Variants in IFIT2 observed in about 807,000 individuals in gnomAD.
IFIT2 encodes interferon-induced protein with tetratricopeptide repeats 2.
IFIT2 carries 3 observed loss-of-function variants against 2.5 expected under a neutral mutation model. The observed-to-expected ratio is 1.21, with a 90% CI of 0.55 to 3.14. IFIT2 has a LOEUF of 3.14. IFIT2 is among the 30% of genes most tolerant of loss of function. The pLI is 0.03. For missense variants in IFIT2, 493 were observed against 558.9 expected (o/e 0.88, Z 1.19); for synonymous variants, 212 against 200.7 (o/e 1.06, Z -0.48).
Position 89,306,281 on chromosome 10 carries a change from C to T in IFIT2, c.325C>T (p.Arg109Ter), listed in dbSNP as rs201921113. The T allele has an allele frequency of 2.5e-4, 404 of 1,613,880 alleles. No homozygotes were observed. Among genetic ancestry groups the T allele is most frequent in the Non-Finnish European group, 3.1e-4 (370 of 1,180,000 alleles). The change falls in exon 2 of 2, where the codon CGA (arginine) becomes TGA (stop). Residue 109 changes from arginine to a stop codon, truncating the protein, a stop_gained. Coordinates refer to ENST00000371826, the MANE Select transcript of IFIT2 (RefSeq NM_001547.5). LOFTEE classifies it low-confidence loss of function (END_TRUNC). ...TGCCTGGGTCTACTATCACATGGGCCGACTCTCAGACGTTCAGATTTATGT... is the reference window on the plus strand; with the variant it reads ...TGCCTGGGTCTACTATCACATGGGCTGACTCTCAGACGTTCAGATTTATGT... The part of the protein sequence containing the change: ...NYAWVYYHMG[R>*]LSDVQIYVDK...
chr10:89,303,260 A>G (rs1389155148), intron 1 of IFIT2, among the ~76,000 whole-genome samples: 3 of 152,166 alleles, frequency 2.0e-5, no homozygotes, highest in Admixed American at 2.0e-4. Context: ...TTGCCTGGAC[A>G]GCTTATTAAG....
chr10:89,303,638 G>C (rs1023962075), intron 1 of IFIT2, among the ~76,000 whole-genome samples: 9 of 152,192 alleles, frequency 5.9e-5, no homozygotes, highest in Admixed American at 5.9e-4. Flanking sequence ...TTACCTAAGT[G>C]TGTATATTAA....
rs1412415670 is a variant in IFIT2, at chr10:89,307,048, G to C, written c.1092G>C (p.Glu364Asp). ...ACTTCCAAAAGGAATTCAGTAAAGA[G>C]CTTACTCCTGTAGCGAAACAACTGC... ...EYYFQKEFSK[E>D]LTPVAKQLLH... Residue 364 changes from glutamate to aspartate, a missense_variant, in exon 2 of 2, where the codon GAG (glutamate) becomes GAC (aspartate). Coordinates refer to ENST00000371826, the MANE Select transcript of IFIT2 (RefSeq NM_001547.5). The C allele has an allele frequency of 1.2e-6, 2 of 1,613,882 alleles. No individual in the cohort carries two copies. The highest frequency in any genetic ancestry group is 1.7e-6 in the Non-Finnish European group (2 of 1,179,966).
chr10:89,302,964 T>C (rs1454021361), intron 1 of IFIT2, among the ~76,000 whole-genome samples: 1 of 151,076 alleles, frequency 6.6e-6, no homozygotes, highest in Non-Finnish European at 1.5e-5. Context: ...TTTCTCTTCT[T>C]GAAACGATAT....
In IFIT2 at chr10:89,307,406, T is replaced by G. The variant is rs962836100; in HGVS notation, c.*31T>G. ...AGAGATGTGGTGCCCACTAGGCTAC[T>G]GCTGAAAGGGAGCTGAAATTCCTCC... On this transcript the variant is annotated 3_prime_UTR_variant, in exon 2 of 2. Coordinates refer to ENST00000371826, the MANE Select transcript of IFIT2 (RefSeq NM_001547.5). 3.9e-6 allele frequency: 6 copies of G among 1,522,004 alleles called. No individual in the cohort carries two copies. Among genetic ancestry groups the G allele is most frequent in the Non-Finnish European group, 3.6e-6 (4 of 1,121,780 alleles). The allele number at this position is 1,522,004 out of a possible 1,614,324, so 94.3% of individuals were successfully genotyped here. A position where few individuals can be genotyped will look rare whatever the true frequency, so the allele number is the denominator to read the frequency against.
chr10:89,305,846 G>C, intron 1 of IFIT2, 116 bp from the exon 2 acceptor site: 2 of 722,464 alleles, frequency 2.8e-6, no homozygotes, highest in Admixed American at 4.8e-5. Flanking sequence ...AAGAAGGGGA[G>C]TTTCTTTGAT....
chr10:89,304,170 G>A (rs1286534998), intron 1 of IFIT2, among the ~76,000 whole-genome samples: 1 of 152,168 alleles, frequency 6.6e-6, no homozygotes, highest in Non-Finnish European at 1.5e-5. Context: ...AAATAGGCAG[G>A]AGTTTATAGG....
chr10:89,307,344 T>A lies in IFIT2; in HGVS notation c.1388T>A (p.Ile463Asn), dbSNP rs761053062. 1.1e-5 allele frequency: 18 copies of A among 1,608,282 alleles called. No homozygotes were observed. Among genetic ancestry groups the A allele is most frequent in the Non-Finnish European group, 1.4e-5 (17 of 1,175,602 alleles). The change falls in exon 2 of 2, where the codon ATC becomes AAC. Residue 463 changes from isoleucine to asparagine, a missense_variant. Ile to Asn is a moderately radical substitution (Grantham distance 149). Transcript: ENST00000371826. ...SERGLESGSL[I>N]PSASSWNGE The stretch of plus-strand genomic sequence containing the variant: ...AGGGGTTTGGAGTCTGGAAGCCTCA[T>A]CCCTTCAGCATCAAGCTGGAATGGG...
chr10:89,303,160 T>G (rs1199227429), intron 1 of IFIT2, among the ~76,000 whole-genome samples: 1 of 152,250 alleles, frequency 6.6e-6, no homozygotes, highest in African/African-American at 2.4e-5. Flanking sequence ...CTGTCCTTTC[T>G]TTCCTTAATT....
Position 89,306,286 on chromosome 10 carries a change from C to A in IFIT2, c.330C>A (p.Leu110=), listed in dbSNP as rs778648084. 1 of 1,614,038 alleles carries A rather than the reference C, an allele frequency of 6.2e-7. No individual in the cohort carries two copies. The highest frequency in any genetic ancestry group is 8.5e-7 in the Non-Finnish European group (1 of 1,180,016). Residue 110 remains leucine, a synonymous_variant, in exon 2 of 2, where the codon CTC becomes CTA. Transcript: ENST00000371826. ...YAWVYYHMGR[L]SDVQIYVDKV... is the part of the protein sequence containing the mutation. ...GGGTCTACTATCACATGGGCCGACT[C>A]TCAGACGTTCAGATTTATGTAGACA...
chr10:89,302,976 A>G (rs1411160987), intron 1 of IFIT2, among the ~76,000 whole-genome samples: 1 of 147,056 alleles, frequency 6.8e-6, no homozygotes, highest in Non-Finnish European at 1.5e-5. Flanking sequence ...AAACGATATT[A>G]TTTCCTGCTA....
Position 89,307,733 on chromosome 10 carries a change from T to C in IFIT2, c.*358T>C, listed in dbSNP as rs1484649714. Reference sequence around the variant, plus strand: ...AAGCAGCCAAATCCTTCATGTAATATTGAAGTCCATTTTTGCAATGTTGTT... The same window carrying C: ...AAGCAGCCAAATCCTTCATGTAATACTGAAGTCCATTTTTGCAATGTTGTT... On this transcript the variant is annotated 3_prime_UTR_variant, in exon 2 of 2. Coordinates refer to ENST00000371826, the MANE Select transcript of IFIT2 (RefSeq NM_001547.5). The C allele has an allele frequency of 5.2e-6, 1 of 191,260 alleles. No individual in the cohort carries two copies. The highest frequency in any genetic ancestry group is 2.3e-5 in the African/African-American group (1 of 43,060). The allele number at this position is 191,260 out of a possible 1,614,324, so 11.8% of individuals were successfully genotyped here. A position where few individuals can be genotyped will look rare whatever the true frequency, so the allele number is the denominator to read the frequency against.
chr10:89,303,009 C>CAAA (rs11420925), intron 1 of IFIT2, among the ~76,000 whole-genome samples: 2 of 132,176 alleles, frequency 1.5e-5, no homozygotes, highest in Non-Finnish European at 3.3e-5. Flanking sequence ...TGCCTGATTT[C>CAAA]AAAAAAAAAA....
chr10:89,303,862 G>A (rs184952276), intron 1 of IFIT2, among the ~76,000 whole-genome samples: 25 of 152,306 alleles, frequency 1.6e-4, no homozygotes, highest in African/African-American at 5.5e-4. Context: ...GTTAGGATGC[G>A]TGCTGCACAT....
In IFIT2 at chr10:89,307,493, G is replaced by A; in HGVS notation, c.*118G>A. ...GGCAAAAGATTGGACTAAGACACTG[G>A]CCATACCACTGGACAGGGTTATGTT... On this transcript the variant is annotated 3_prime_UTR_variant, in exon 2 of 2. Transcript: ENST00000371826. 1 of 804,108 alleles carries A rather than the reference G, an allele frequency of 1.2e-6. No homozygotes were observed. 49.8% of individuals were successfully genotyped at this position (804,108 alleles called of 1,614,324 possible).
chr10:89,306,625 T>G lies in IFIT2; in HGVS notation c.669T>G (p.Arg223=). The G allele has an allele frequency of 6.2e-7, 1 of 1,613,952 alleles. No individual in the cohort carries two copies. The highest frequency in any genetic ancestry group is 8.5e-7 in the Non-Finnish European group (1 of 1,179,932). ...VLLALKLHKM[R]EEGEEEGEGE... is the part of the protein sequence containing the mutation. Reference sequence around the variant, plus strand: ...TGGCTCTGAAGCTTCATAAGATGCGTGAAGAAGGTGAAGAGGAAGGTGAAG... The same window carrying G: ...TGGCTCTGAAGCTTCATAAGATGCGGGAAGAAGGTGAAGAGGAAGGTGAAG... Residue 223 remains arginine (R), a synonymous_variant, in exon 2 of 2, where the codon CGT becomes CGG. Transcript: ENST00000371826.
At position 89,308,572 on chromosome 10, in the gene IFIT2, G is replaced by T. The variant is rs1189975778; in HGVS notation, c.*1197G>T. The T allele has an allele frequency of 6.6e-6, 1 of 152,140 alleles. No homozygotes were observed. The highest frequency in any genetic ancestry group is 1.5e-5 in the Non-Finnish European group (1 of 68,036). 9.4% of individuals were successfully genotyped at this position (152,140 alleles called of 1,614,324 possible). ...ACAAAATTCACGGTATGCTTGGAAC[G>T]ATTGAGATTTTCTAGGTAGATGCTG... is the stretch of plus-strand genomic sequence containing the variant. On this transcript the variant is annotated 3_prime_UTR_variant, in exon 2 of 2. Coordinates refer to ENST00000371826, the MANE Select transcript of IFIT2 (RefSeq NM_001547.5).
At chr10:89,304,821 G>A (rs1468778280) in intron 1 of IFIT2, among the ~76,000 whole-genome samples, 1 of 151,310 alleles carries the variant, frequency 6.6e-6, no homozygotes, top group African/African-American at 2.4e-5. Context: ...TTTATTTTGA[G>A]GACCAACACT....
Position 89,302,046 on chromosome 10 carries a change from G to A in IFIT2, c.-78G>A, listed in dbSNP as rs1284444289. On this transcript the variant is annotated 5_prime_UTR_variant, in exon 1 of 2. Coordinates refer to ENST00000371826, the MANE Select transcript of IFIT2 (RefSeq NM_001547.5). ...ATAGGTCTCTTCAGCATTTATTGGT[G>A]GCAGAAGAGGAAGATTTCTGAAGAG... The A allele has an allele frequency of 1.3e-6, 2 of 1,551,222 alleles. No homozygotes were observed. The highest frequency in any genetic ancestry group is 1.7e-5 in the Admixed American group (1 of 59,710).
Sources: gnomAD v4.1 joint callset for allele counts (sites outside exome capture counted in the v4.1 genomes callset) on GRCh38, gnomAD v4.1.1 for gene constraint, MANE v1.5 for transcripts, NCBI Gene and HGNC (gene_info 2026-07-23, HGNC 2026-07-21) for gene names.